Variants in MAPK4 observed in about 807,000 individuals in gnomAD.
The protein encoded by MAPK4 is Erk3-related.
MAPK4 carries 22 observed loss-of-function variants against 47.7 expected under a neutral mutation model. That is an observed-to-expected ratio of 0.46 (90% CI 0.33 to 0.66). MAPK4 has a LOEUF of 0.66. Among genes scored for constraint, MAPK4 ranks in the 30% least tolerant of loss-of-function variants. The pLI is 0.02. For synonymous variants in MAPK4, 390 were observed against 365.7 expected (o/e 1.07, Z -0.76); for missense variants, 736 against 831.7 (o/e 0.88, Z 1.42).
intron 4 of MAPK4, among the ~76,000 whole-genome samples, chr18:50,724,559 T>A (rs961617068): frequency 1.4e-4 from 21 of 152,228 alleles, no homozygotes; most frequent in African/African-American, 5.1e-4. Context: ...GCAGATCCTC[T>A]TTTAAGTTTG....
chr18:50,720,175 C>T (rs1375277163), intron 3 of MAPK4, among the ~76,000 whole-genome samples: 1 of 152,286 alleles, frequency 6.6e-6, no homozygotes, highest in Admixed American at 6.5e-5. Flanking sequence ...CCCCAAGTGA[C>T]GTCTGTCACA....
intron 1 of MAPK4, among the ~76,000 whole-genome samples, chr18:50,600,742 T>G (rs1252922140): frequency 1.3e-5 from 2 of 152,088 alleles, no homozygotes; most frequent in Admixed American, 6.6e-5. Context: ...TATCAATAAG[T>G]GTCTTTATTT....
At chr18:50,590,456 G>A (rs1483352799) in intron 1 of MAPK4, among the ~76,000 whole-genome samples, 1 of 152,190 alleles carries the variant, frequency 6.6e-6, no homozygotes, top group African/African-American at 2.4e-5. Flanking sequence ...GAGCTCAGCT[G>A]CTGAGGCACT....
intron 1 of MAPK4, among the ~76,000 whole-genome samples, chr18:50,594,579 T>C (rs758409748): frequency 6.6e-5 from 10 of 152,214 alleles, no homozygotes; most frequent in Admixed American, 2.0e-4. Context: ...TACCTAGCTC[T>C]GTACACATCA....
chr18:50,584,804 C>G (rs2042375220), intron 1 of MAPK4, among the ~76,000 whole-genome samples: 1 of 152,342 alleles, frequency 6.6e-6, no homozygotes, highest in Non-Finnish European at 1.5e-5. Flanking sequence ...AATTGGATGA[C>G]AATGACTAGC....
intron 1 of MAPK4, among the ~76,000 whole-genome samples, chr18:50,619,981 C>T (rs991779300): frequency 2.6e-5 from 4 of 152,230 alleles, no homozygotes; most frequent in African/African-American, 9.6e-5. Flanking sequence ...AGGATATTGG[C>T]TCCCCCAAGG....
rs2043061136 is a variant in MAPK4 at position 50,652,462 on chromosome 18, A to T, written c.-870-10627A>T. 2.0e-5 allele frequency among the ~76,000 whole-genome samples: 3 copies of T among 152,138 alleles called. 1 individual carries two copies. In the South Asian group the frequency reaches 6.2e-4, roughly 32 times the overall value. Reference sequence around the variant, plus strand: ...CTGGGCTGGGTGGAAGGAAGTCAAGAACTCTATGAAATTTAAAGGGACTGA... The same window carrying T: ...CTGGGCTGGGTGGAAGGAAGTCAAGTACTCTATGAAATTTAAAGGGACTGA... On this transcript the variant is annotated intron_variant, in intron 1 of 5. Coordinates refer to ENST00000400384, the MANE Select transcript of MAPK4 (RefSeq NM_002747.4).
intron 5 of MAPK4, among the ~76,000 whole-genome samples, chr18:50,728,751 CA>C (rs1568101631): frequency 1.3e-5 from 2 of 152,330 alleles, no homozygotes; most frequent in Middle Eastern, 3.4e-3. Flanking sequence ...ACAGAATCAA[CA>C]TCTGCATTTT....
At chr18:50,602,869 C>T (rs927170440) in intron 1 of MAPK4, among the ~76,000 whole-genome samples, 1 of 152,082 alleles carries the variant, frequency 6.6e-6, no homozygotes, top group African/African-American at 2.4e-5. Context: ...CAGGGAAGAC[C>T]TCTGGTGCCT....
intron 2 of MAPK4, among the ~76,000 whole-genome samples, chr18:50,671,027 G>A (rs576410740): frequency 9.2e-5 from 14 of 152,302 alleles, no homozygotes; most frequent in Admixed American, 5.2e-4. Context: ...GTTTGCTGAC[G>A]CTTGGAGCTG....
At chr18:50,654,488 A>G (rs1439766921) in intron 1 of MAPK4, among the ~76,000 whole-genome samples, 2 of 152,244 alleles carry the variant, frequency 1.3e-5, no homozygotes, top group South Asian at 2.1e-4. Context: ...GCCTCACCTT[A>G]TTTAGCCACT....
In MAPK4 at chr18:50,727,377, C is replaced by G. The variant is rs537026726; in HGVS notation, c.1067+1202C>G. On this transcript the variant is annotated intron_variant, in intron 5 of 5. Coordinates refer to ENST00000400384, the MANE Select transcript of MAPK4 (RefSeq NM_002747.4). ...CAATTTCTCCTTTTTAGTCATTTGA[C>G]AGATGATGGGTTTCAGATTAAGGAG... 3.9e-5 allele frequency among the ~76,000 whole-genome samples: 6 copies of G among 152,322 alleles called. No individual in the cohort carries two copies. The South Asian group carries it at 1.2e-3, about 32-fold the overall frequency.
intron 1 of MAPK4, among the ~76,000 whole-genome samples, chr18:50,647,702 A>G (rs1244198281): frequency 6.6e-6 from 1 of 150,616 alleles, no homozygotes; most frequent in African/African-American, 2.4e-5. Context: ...CTCCTTCCTG[A>G]CCTCCCCATT....
intron 1 of MAPK4, among the ~76,000 whole-genome samples, chr18:50,639,587 G>A (rs2042920380): frequency 6.6e-6 from 1 of 152,180 alleles, no homozygotes; most frequent in Non-Finnish European, 1.5e-5. Flanking sequence ...AATGTTAAAA[G>A]ATGACCCTTC....
intron 1 of MAPK4, among the ~76,000 whole-genome samples, chr18:50,562,922 A>C (rs892877321): frequency 6.6e-6 from 1 of 152,182 alleles, no homozygotes; most frequent in Non-Finnish European, 1.5e-5. Flanking sequence ...CTCTTATCAG[A>C]CATTGAGAAC....
chr18:50,719,376 GA>G (rs775831132), intron 3 of MAPK4, among the ~76,000 whole-genome samples: 81 of 152,192 alleles, frequency 5.3e-4, no homozygotes, highest in Admixed American at 7.2e-4. Context: ...AATACACAGT[GA>G]ACCTATCTGT....
intron 1 of MAPK4, among the ~76,000 whole-genome samples, chr18:50,565,121 T>G (rs2042187609): frequency 6.6e-6 from 1 of 152,236 alleles, no homozygotes; most frequent in Non-Finnish European, 1.5e-5. Flanking sequence ...TACCTGTGAC[T>G]GATAGGAGCT....
intron 2 of MAPK4, among the ~76,000 whole-genome samples, chr18:50,707,430 C>T (rs1343019220): frequency 2.0e-5 from 3 of 151,956 alleles, no homozygotes; most frequent in African/African-American, 7.3e-5. Flanking sequence ...ATTAGCAAGG[C>T]ATGGTGGCCC....
chr18:50,721,142 C>A (rs1405489313), intron 3 of MAPK4, among the ~76,000 whole-genome samples: 1 of 152,156 alleles, frequency 6.6e-6, no homozygotes, highest in African/African-American at 2.4e-5. Flanking sequence ...AGCAAGGAGA[C>A]CCATCTGTCC....
Sources: gnomAD v4.1 joint callset for allele counts (sites outside exome capture counted in the v4.1 genomes callset) on GRCh38, gnomAD v4.1.1 for gene constraint, MANE v1.5 for transcripts, NCBI Gene and HGNC (gene_info 2026-07-23, HGNC 2026-07-21) for gene names.